Variants in ZFPM2 observed in about 807,000 individuals in gnomAD.
The protein encoded by ZFPM2 is zinc finger protein ZFPM2.
In ZFPM2, 20 loss-of-function variants were observed where a neutral mutation model predicts 98.6. That is an observed-to-expected ratio of 0.20 (90% CI 0.14 to 0.29). ZFPM2 has a LOEUF of 0.29. Among genes scored for constraint, ZFPM2 ranks in the 10% least tolerant of loss-of-function variants. The probability of loss-of-function intolerance (pLI) is 1.00; values close to 1 mark genes in which losing one functional copy is unlikely to be tolerated. For missense variants in ZFPM2, 1,310 were observed against 1,388.6 expected (o/e 0.94, Z 0.90); for synonymous variants, 518 against 502.7 (o/e 1.03, Z -0.41).
At chr8:105,405,551 T>G (rs954810791) in intron 1 of ZFPM2, among the ~76,000 whole-genome samples, 1 of 151,692 alleles carries the variant, frequency 6.6e-6, no homozygotes, top group African/African-American at 2.4e-5. Context: ...GTCCTTGCAA[T>G]AGTTTGCTGA....
At chr8:105,580,487 A>G (rs1289911078) in intron 4 of ZFPM2, among the ~76,000 whole-genome samples, 1 of 152,110 alleles carries the variant, frequency 6.6e-6, no homozygotes, top group African/African-American at 2.4e-5. Context: ...TTTATTTATT[A>G]TTATACTTGA....
At position 105,484,241 on chromosome 8, in the gene ZFPM2, A is replaced by G. The variant is rs1342972170; in HGVS notation, c.301+39860A>G. 2.6e-5 allele frequency among the ~76,000 whole-genome samples: 4 copies of G among 152,032 alleles called. No homozygotes were observed. The East Asian group carries it at 7.7e-4, about 29-fold the overall frequency. On this transcript the variant is annotated intron_variant, in intron 3 of 7. Coordinates refer to ENST00000407775, the MANE Select transcript of ZFPM2 (RefSeq NM_012082.4). Reference sequence around the variant, plus strand: ...ACTATATTCTTTTCTTTTAGAATTCATGTTTGAGATATAAACTATTCATTC... The same window carrying G: ...ACTATATTCTTTTCTTTTAGAATTCGTGTTTGAGATATAAACTATTCATTC...
intron 1 of ZFPM2, among the ~76,000 whole-genome samples, chr8:105,349,973 T>C (rs1336608022): frequency 6.6e-6 from 1 of 152,186 alleles, no homozygotes; most frequent in African/African-American, 2.4e-5. Context: ...TAGCTTCCAA[T>C]TTTTGTAACT....
intron 4 of ZFPM2, among the ~76,000 whole-genome samples, chr8:105,627,030 A>G (rs1042670527): frequency 2.6e-5 from 4 of 152,090 alleles, no homozygotes; most frequent in African/African-American, 7.2e-5. Context: ...GAAATCCTCA[A>G]TATCTTTTTT....
At position 105,802,373 on chromosome 8, in the gene ZFPM2, C is replaced by A. The variant is rs369688684; in HGVS notation, c.2291C>A (p.Ala764Asp). Residue 764 changes from alanine to aspartate, a missense_variant, in exon 8 of 8, where the codon GCC becomes GAC. Coordinates refer to ENST00000407775, the MANE Select transcript of ZFPM2 (RefSeq NM_012082.4). ...GTTCAGCAGAGATTTCTTGACGTAG[C>A]CAACCTCAATAATCCTTGTACCTCC... ...PLVQQRFLDV[A>D]NLNNPCTSTQ... The A allele has an allele frequency of 9.3e-6, 15 of 1,613,756 alleles. No homozygotes were observed. In the African/African-American group the frequency reaches 2.0e-4, roughly 22 times the overall value.
intron 5 of ZFPM2, among the ~76,000 whole-genome samples, chr8:105,685,429 T>C (rs1193051346): frequency 2.0e-5 from 3 of 152,116 alleles, no homozygotes; most frequent in African/African-American, 7.2e-5. Context: ...AAATTTTTAA[T>C]GTCCTCGTTT....
chr8:105,319,152 A>G (rs975229683), intron 1 of ZFPM2, among the ~76,000 whole-genome samples, 171 bp downstream of exon 1: 4 of 152,108 alleles, frequency 2.6e-5, no homozygotes, highest in Admixed American at 2.6e-4. Context: ...AGTCATAGAC[A>G]GACAGACGGC....
At chr8:105,397,402 C>A (rs1586343227) in intron 1 of ZFPM2, among the ~76,000 whole-genome samples, 1 of 152,006 alleles carries the variant, frequency 6.6e-6, no homozygotes, top group African/African-American at 2.4e-5. Flanking sequence ...AATTTTATCA[C>A]CTTACAGCAA....
chr8:105,444,141 A>G lies in ZFPM2; in HGVS notation c.200-139A>G, dbSNP rs1812320024. 20 of 643,864 alleles carry G rather than the reference A, an allele frequency of 3.1e-5. No homozygotes were observed. The South Asian group carries it at 4.1e-4, about 13-fold the overall frequency. The allele number at this position is 643,864 out of a possible 1,614,324, so 39.9% of individuals were successfully genotyped here. A position where few individuals can be genotyped will look rare whatever the true frequency, so the allele number is the denominator to read the frequency against. On this transcript the variant is annotated intron_variant, in intron 2 of 7. Transcript: ENST00000407775. ...CACAATAGATATCAAAATAGTCATG[A>G]ACATTTATTAGTGTAATGACAATAT...
intron 5 of ZFPM2, among the ~76,000 whole-genome samples, chr8:105,754,956 G>A (rs1438667057): frequency 7.0e-6 from 1 of 142,610 alleles, no homozygotes; most frequent in Non-Finnish European, 1.5e-5. Flanking sequence ...ATGTGTGTGT[G>A]TGTGTGTGTG....
chr8:105,730,204 A>C (rs921794486), intron 5 of ZFPM2, among the ~76,000 whole-genome samples: 3 of 151,682 alleles, frequency 2.0e-5, no homozygotes, highest in African/African-American at 7.3e-5. Context: ...GTCATTTACA[A>C]TGCTCTGGCT....
At chr8:105,796,566 T>TACTTCCCTTTCATTCACTAGA (rs1813824000) in intron 6 of ZFPM2, among the ~76,000 whole-genome samples, 2 of 152,232 alleles carry the variant, frequency 1.3e-5, no homozygotes, top group Non-Finnish European at 2.9e-5. Context: ...TTACTATCCT[T>TACTTCCCTTTCATTCACTAGA]ACTTCCCTTT....
intron 3 of ZFPM2, among the ~76,000 whole-genome samples, chr8:105,476,348 C>T (rs1024219563): frequency 3.3e-5 from 5 of 152,172 alleles, no homozygotes; most frequent in African/African-American, 1.2e-4. Flanking sequence ...ATTAGATTCT[C>T]ATGGGAGCCT....
At chr8:105,508,981 CAT>C (rs754151010) in intron 3 of ZFPM2, among the ~76,000 whole-genome samples, 1 of 151,996 alleles carries the variant, frequency 6.6e-6, no homozygotes, top group Non-Finnish European at 1.5e-5. Flanking sequence ...TGATGGGCCC[CAT>C]TTACATTGAA....
intron 3 of ZFPM2, among the ~76,000 whole-genome samples, chr8:105,504,427 C>G (rs1439978450): frequency 1.3e-5 from 2 of 152,176 alleles, no homozygotes; most frequent in Non-Finnish European, 2.9e-5. Context: ...AAAAATTACA[C>G]TTCCTCAGTT....
At chr8:105,709,974 T>G (rs1811342977) in intron 5 of ZFPM2, among the ~76,000 whole-genome samples, 1 of 152,074 alleles carries the variant, frequency 6.6e-6, no homozygotes, top group East Asian at 1.9e-4. Flanking sequence ...GGGACATTAT[T>G]TTTTTTAAGT....
At chr8:105,416,751 G>C (rs1440017102) in intron 1 of ZFPM2, among the ~76,000 whole-genome samples, 1 of 151,818 alleles carries the variant, frequency 6.6e-6, no homozygotes, top group Non-Finnish European at 1.5e-5. Flanking sequence ...TTTTTGATAA[G>C]TCTATAAGAC....
intron 2 of ZFPM2, among the ~76,000 whole-genome samples, chr8:105,429,022 A>G (rs1811966090): frequency 1.3e-5 from 2 of 152,160 alleles, no homozygotes; most frequent in Admixed American, 1.3e-4. Context: ...GTAGGCTGTG[A>G]TTATATTTTT....
rs570303340 is a variant in ZFPM2, at chr8:105,604,465, C to T, written c.421-29781C>T. ...AAATTACAGCATGGTATTCCCAAGA[C>T]CATGCAATGGCTTCCCATCACACTT... On this transcript the variant is annotated intron_variant, in intron 4 of 7. Coordinates refer to ENST00000407775, the MANE Select transcript of ZFPM2 (RefSeq NM_012082.4). Among the ~76,000 whole-genome samples, 7 of 152,154 alleles carry T rather than the reference C, an allele frequency of 4.6e-5. No homozygotes were observed. In the East Asian group the frequency reaches 1.4e-3, roughly 30 times the overall value.
Sources: allele counts gnomAD v4.1 joint callset (sites outside exome capture counted in the v4.1 genomes callset), GRCh38; gene constraint gnomAD v4.1.1; transcripts MANE v1.5; gene names NCBI Gene and HGNC (gene_info 2026-07-23, HGNC 2026-07-21).